Variants in COL14A1 observed in about 807,000 individuals in gnomAD.
COL14A1 encodes the protein collagen alpha-1(XIV) chain.
A neutral mutation model predicts 230.3 loss-of-function variants in COL14A1; 136 were observed. The observed-to-expected ratio is 0.59, with a 90% CI of 0.51 to 0.68. COL14A1 has a LOEUF of 0.68. Among genes scored for constraint, COL14A1 ranks in the 30% least tolerant of loss-of-function variants. The pLI, the probability that COL14A1 is intolerant of heterozygous loss-of-function variation, is 0.00. For missense variants in COL14A1, 1,976 were observed against 2,215.8 expected, an observed-to-expected ratio of 0.89 and a Z score of 2.17; for synonymous variants, 792 against 784.1, an observed-to-expected ratio of 1.01 and a Z score of -0.17.
chr8:120,130,242 C>A (rs1814483364), intron 1 of COL14A1, among the ~76,000 whole-genome samples: 1 of 152,216 alleles, frequency 6.6e-6, no homozygotes, highest in Non-Finnish European at 1.5e-5. Context: ...AATACATAGA[C>A]TTGCATATTG....
chr8:120,203,066 A>G (rs949477038), intron 8 of COL14A1, among the ~76,000 whole-genome samples: 1 of 145,118 alleles, frequency 6.9e-6, no homozygotes, highest in African/African-American at 2.5e-5. Flanking sequence ...TATTTTATAG[A>G]AACTTAAACC....
intron 40 of COL14A1, among the ~76,000 whole-genome samples, chr8:120,331,837 G>A (rs946244436): frequency 1.3e-5 from 2 of 152,210 alleles, no homozygotes; most frequent in Non-Finnish European, 2.9e-5. Flanking sequence ...GACCAATAAT[G>A]GATCCTCTTT....
Position 120,266,814 on chromosome 8 carries a change from C to G in COL14A1, c.3017-13C>G, listed in dbSNP as rs1157832847. 2 of 1,609,604 alleles carry G rather than the reference C, an allele frequency of 1.2e-6. No homozygotes were observed. ...GATGGTGAACTGATGTCCTTTCTCC[C>G]TTTCCTTTACAGAATCACTTCCTAC... On this transcript the variant is annotated splice_polypyrimidine_tract_variant and intron_variant, in intron 24 of 47. Transcript: ENST00000297848.
In COL14A1 at chr8:120,200,046, A is replaced by AAAGCATATATATATAT. The variant is rs60929332; in HGVS notation, c.877+482_877+497dup. Among the ~76,000 whole-genome samples the AAAGCATATATATATAT allele has an allele frequency of 8.0e-4, 85 of 105,658 alleles. 5 individuals are homozygous for AAAGCATATATATATAT. Among genetic ancestry groups the AAAGCATATATATATAT allele is most frequent in the African/African-American group, 2.6e-3 (78 of 29,564 alleles). 69.3% of individuals were successfully genotyped at this position (105,658 alleles called of 152,430 possible). A position where few individuals can be genotyped will look rare whatever the true frequency, so the allele number is the denominator to read the frequency against. The stretch of plus-strand genomic sequence containing the variant: ...TTATAAGGTATCCTTCTTGTGTGAA[A>AAAGCATATATATATAT]AAGCATATATATATATAGATAGCAT... On this transcript the variant is annotated intron_variant, in intron 8 of 47. Transcript: ENST00000297848.
intron 47 of COL14A1, chr8:120,370,260 CA>C: frequency 6.7e-7 from 1 of 1,482,382 alleles, no homozygotes; most frequent in Non-Finnish European, 9.3e-7. Context: ...AATTGGTCAA[CA>C]AAGTTTTGCT....
intron 13 of COL14A1, among the ~76,000 whole-genome samples, chr8:120,213,181 A>G (rs538058176): frequency 6.6e-6 from 1 of 152,276 alleles, no homozygotes; most frequent in Non-Finnish European, 1.5e-5. Context: ...CTAATTTTGG[A>G]TAAATGTAGG....
chr8:120,152,791 C>T (rs547260650), intron 2 of COL14A1, among the ~76,000 whole-genome samples: 1 of 152,180 alleles, frequency 6.6e-6, no homozygotes, highest in South Asian at 2.1e-4. Context: ...TAAATATGTA[C>T]CTGGTTCTAG....
intron 4 of COL14A1, among the ~76,000 whole-genome samples, chr8:120,166,750 A>G (rs569714622): frequency 6.6e-6 from 1 of 152,242 alleles, no homozygotes; most frequent in South Asian, 2.1e-4. Context: ...AGGCAACCTT[A>G]GTATATGATT....
intron 21 of COL14A1, among the ~76,000 whole-genome samples, chr8:120,249,850 A>G (rs1212483170): frequency 6.6e-6 from 1 of 152,218 alleles, no homozygotes; most frequent in Non-Finnish European, 1.5e-5. Context: ...CTGAGGTAAC[A>G]CATACAGAGA....
chr8:120,304,663 A>T (rs1820807030), intron 36 of COL14A1, among the ~76,000 whole-genome samples: 1 of 151,408 alleles, frequency 6.6e-6, no homozygotes. Context: ...TGTCTTTTGG[A>T]CTCTTTGTCT....
chr8:120,192,594 C>T (rs1816866114), intron 5 of COL14A1, among the ~76,000 whole-genome samples: 1 of 152,120 alleles, frequency 6.6e-6, no homozygotes. Context: ...TGTTGGCCTG[C>T]CTTGCTAGAT....
intron 5 of COL14A1, among the ~76,000 whole-genome samples, chr8:120,195,210 T>C (rs1816990682): frequency 6.6e-6 from 1 of 152,206 alleles, no homozygotes; most frequent in Non-Finnish European, 1.5e-5. Context: ...GAGACACGTA[T>C]ATTAAACTGC....
At chr8:120,322,181 C>T (rs1430364933) in intron 40 of COL14A1, among the ~76,000 whole-genome samples, 1 of 146,608 alleles carries the variant, frequency 6.8e-6, no homozygotes, top group African/African-American at 2.5e-5. Context: ...AATGAGATAA[C>T]ATGGACACAG....
At chr8:120,309,958 A>C in intron 36 of COL14A1, 51 bp from the exon 37 acceptor site, 1 of 1,559,492 alleles carries the variant, frequency 6.4e-7, no homozygotes, top group Non-Finnish European at 8.8e-7. Context: ...TGAATGAAAT[A>C]CACTGTTTTG....
chr8:120,143,486 G>T (rs1385279479), intron 1 of COL14A1, among the ~76,000 whole-genome samples: 3 of 151,976 alleles, frequency 2.0e-5, no homozygotes, highest in Non-Finnish European at 4.4e-5. Context: ...AAAAAAATTG[G>T]CCGGGCGTGG....
intron 19 of COL14A1, among the ~76,000 whole-genome samples, chr8:120,235,804 C>T (rs1586791585): frequency 1.3e-5 from 2 of 152,282 alleles, no homozygotes; most frequent in African/African-American, 2.4e-5. Flanking sequence ...TCCAGAGATT[C>T]TGGTACATTG....
At chr8:120,249,164 C>T (rs1186874742) in intron 21 of COL14A1, among the ~76,000 whole-genome samples, 5 of 150,840 alleles carry the variant, frequency 3.3e-5, no homozygotes, top group Non-Finnish European at 5.9e-5. Flanking sequence ...GTGATCCACC[C>T]GCCTCGGCCT....
rs1384420283 is a variant in COL14A1, at chr8:120,300,647, TAAATC to T, written c.4315-81_4315-77del. On this transcript the variant is annotated intron_variant, in intron 35 of 47. Coordinates refer to ENST00000297848, the MANE Select transcript of COL14A1 (RefSeq NM_021110.4). Reference sequence around the variant, plus strand: ...TGCACTTGAAAATCTAAAAATATCTTAAATCAAACTGTTTTCTTTGAGCCAGTAAA... The same window carrying T: ...TGCACTTGAAAATCTAAAAATATCTTAAACTGTTTTCTTTGAGCCAGTAAA... 5.1e-5 allele frequency: 51 copies of T among 996,666 alleles called. No homozygotes were observed. In the Admixed American group the frequency reaches 1.1e-3, roughly 21 times the overall value. The allele number at this position is 996,666 out of a possible 1,614,324, so 61.7% of individuals were successfully genotyped here.
At chr8:120,273,828 C>A (rs1239440415) in intron 26 of COL14A1, among the ~76,000 whole-genome samples, 1 of 150,498 alleles carries the variant, frequency 6.6e-6, no homozygotes, top group East Asian at 1.9e-4. Flanking sequence ...AGGCCCAGGG[C>A]CAGATGGATT....
Sources: gnomAD v4.1 joint callset for allele counts (sites outside exome capture counted in the v4.1 genomes callset) on GRCh38, gnomAD v4.1.1 for gene constraint, MANE v1.5 for transcripts, NCBI Gene and HGNC (gene_info 2026-07-23, HGNC 2026-07-21) for gene names.